ATXN2: variants seen among roughly 807,000 people sequenced by gnomAD.
The protein encoded by ATXN2 is ataxin-2.
In ATXN2, 37 loss-of-function variants were observed where a neutral mutation model predicts 138.6. The ratio of observed to expected loss-of-function variants is 0.27; its 90% CI spans 0.21 to 0.35. The LOEUF (loss-of-function observed/expected upper bound fraction) is 0.35. ATXN2 is among the 10% of genes least tolerant of loss of function. The pLI is 1.00. For synonymous variants in ATXN2, 549 were observed against 543.7 expected (o/e 1.01, Z -0.13); for missense variants, 1,216 against 1,480.3 (o/e 0.82, Z 2.93).
At chr12:111,507,055 G>A (rs1487257174) in intron 14 of ATXN2, among the ~76,000 whole-genome samples, 1 of 152,168 alleles carries the variant, frequency 6.6e-6, no homozygotes, top group African/African-American at 2.4e-5. Flanking sequence ...CTCCCAAAGT[G>A]CCGAGATTGC....
chr12:111,573,559 A>C (rs1397293905), intron 1 of ATXN2, among the ~76,000 whole-genome samples: 1 of 152,220 alleles, frequency 6.6e-6, no homozygotes, highest in Non-Finnish European at 1.5e-5. Context: ...AACAGTTATT[A>C]AAAAGCAAAG....
intron 1 of ATXN2, among the ~76,000 whole-genome samples, chr12:111,560,619 A>G (rs1236874296): frequency 6.6e-6 from 1 of 152,220 alleles, no homozygotes; most frequent in African/African-American, 2.4e-5. Context: ...CAGGGAGGGA[A>G]GAAGGATAGA....
intron 1 of ATXN2, among the ~76,000 whole-genome samples, chr12:111,593,355 A>G (rs1884777138): frequency 6.6e-6 from 1 of 152,044 alleles, no homozygotes; most frequent in African/African-American, 2.4e-5. Context: ...TCAGCCTCCT[A>G]AAGTGCTGGG....
intron 14 of ATXN2, among the ~76,000 whole-genome samples, chr12:111,508,419 T>C (rs1879306831): frequency 1.3e-5 from 2 of 151,454 alleles, no homozygotes; most frequent in African/African-American, 4.9e-5. Context: ...ATGTGTTAAC[T>C]ATTGTTTAAC....
chr12:111,467,702 T>C (rs1876121934), intron 20 of ATXN2, among the ~76,000 whole-genome samples: 1 of 152,194 alleles, frequency 6.6e-6, no homozygotes. Context: ...CTTTGTTTTG[T>C]TTGCAACATT....
chr12:111,598,457 G>C lies in ATXN2; in HGVS notation c.251+327C>G, dbSNP rs111700112. The C allele has an allele frequency of 1.6e-5, 16 of 985,476 alleles. 1 individual carries two copies. The African/African-American group carries it at 1.7e-4, about 11-fold the overall frequency. 61.0% of individuals were successfully genotyped at this position (985,476 alleles called of 1,614,324 possible). A position where few individuals can be genotyped will look rare whatever the true frequency, so the allele number is the denominator to read the frequency against. On this transcript the variant is annotated intron_variant, in intron 1 of 24. Transcript: ENST00000673436. The surrounding 1 kb of genome is among the most constrained non-coding windows in gnomAD (Gnocchi z 4.5). ...CTGCGGGCGGAGGATCGTGCGGAAG[G>C]GGGAGCCGGGGCTGACCATCGCCGC...
At chr12:111,478,735 G>C (rs543023462) in intron 18 of ATXN2, among the ~76,000 whole-genome samples, 4 of 152,126 alleles carry the variant, frequency 2.6e-5, no homozygotes, top group Admixed American at 1.3e-4. Flanking sequence ...GGCAGTGTGT[G>C]GTGGCTCACA....
rs1380907734 is a variant in ATXN2 at position 111,485,849 on chromosome 12, G to T, written c.2321C>A (p.Thr774Asn). The change falls in exon 17 of 25, where the codon ACC (threonine) becomes AAC (asparagine). Residue 774 changes from threonine (T) to asparagine (N), a missense_variant. Thr to Asn is a moderately conservative substitution (Grantham distance 65). Transcript: ENST00000673436. ...RSFSQPKPST[T>N]PTSPRPQAQP... ...TGCTTGAGGCCGAGGTGAAGTTGGG[G>T]TAGTAGAAGGCTTTGGCTACAAAAA... The T allele has an allele frequency of 6.2e-7, 1 of 1,614,014 alleles. No individual in the cohort carries two copies. Among genetic ancestry groups the T allele is most frequent in the Non-Finnish European group, 8.5e-7 (1 of 1,179,946 alleles).
intron 1 of ATXN2, among the ~76,000 whole-genome samples, chr12:111,591,633 T>C (rs1274728018): frequency 1.3e-5 from 2 of 151,408 alleles, no homozygotes; most frequent in South Asian, 2.1e-4. Flanking sequence ...GAGGGAGACC[T>C]TGACTCTAAA....
At chr12:111,525,923 AC>A (rs1319022908) in intron 5 of ATXN2, among the ~76,000 whole-genome samples, 1 of 151,518 alleles carries the variant, frequency 6.6e-6, no homozygotes, top group African/African-American at 2.4e-5. Flanking sequence ...ACCTAGTGAT[AC>A]CCCCACCTTG....
intron 15 of ATXN2, 138 bp from the exon 16 acceptor site, chr12:111,486,962 T>G (rs1877683701): frequency 2.9e-6 from 2 of 681,056 alleles, no homozygotes; most frequent in African/African-American, 1.8e-5. Context: ...TCGTTTTTAT[T>G]GAAACATATA....
At chr12:111,485,466 TAGATCATACCCACAGCTAAA>T in intron 17 of ATXN2, 135 bp from the exon 18 acceptor site, 1 of 989,402 alleles carries the variant, frequency 1.0e-6, no homozygotes, top group Non-Finnish European at 1.5e-6. Flanking sequence ...ATTAAAAAAT[TAGATCATACCCACAGCTAAA>T]AGGAACAAAC....
intron 1 of ATXN2, among the ~76,000 whole-genome samples, chr12:111,579,002 C>G (rs942388875): frequency 1.3e-5 from 2 of 152,160 alleles, no homozygotes; most frequent in African/African-American, 4.8e-5. Flanking sequence ...CGCACCACTG[C>G]ACTCCACCCT....
intron 5 of ATXN2, among the ~76,000 whole-genome samples, chr12:111,549,678 C>T (rs965559250): frequency 6.6e-6 from 1 of 152,166 alleles, no homozygotes; most frequent in African/African-American, 2.4e-5. Flanking sequence ...GCTTAAGAGA[C>T]CTGATGTCCT....
chr12:111,581,384 C>A, intron 1 of ATXN2: 1 of 673,578 alleles, frequency 1.5e-6, no homozygotes, highest in East Asian at 3.0e-5. Context: ...ACACCATGAA[C>A]CACAATGTCC....
chr12:111,500,997 T>C (rs765871208), intron 14 of ATXN2, among the ~76,000 whole-genome samples: 16 of 152,284 alleles, frequency 1.1e-4, no homozygotes, highest in Admixed American at 4.6e-4. Context: ...TTAGAATAAC[T>C]GAGGGAGTAC....
intron 21 of ATXN2, among the ~76,000 whole-genome samples, chr12:111,458,670 T>C (rs1044566438): frequency 6.6e-6 from 1 of 152,220 alleles, no homozygotes. Flanking sequence ...TCCAAAATAG[T>C]TCCCCACATT....
At chr12:111,581,784 G>A (rs1884019986) in intron 1 of ATXN2, 2 of 548,012 alleles carry the variant, frequency 3.6e-6, no homozygotes, top group Non-Finnish European at 3.5e-6. Flanking sequence ...CAACAGATCA[G>A]GAGGCATTAT....
At chr12:111,518,098 AAAGCC>A in intron 9 of ATXN2, 146 bp downstream of exon 9, 1 of 633,706 alleles carries the variant, frequency 1.6e-6, no homozygotes, top group Non-Finnish European at 2.5e-6. Flanking sequence ...AATATCCACA[AAAGCC>A]AATTTTAAGT....
Sources: gnomAD v4.1 joint callset for allele counts (sites outside exome capture counted in the v4.1 genomes callset) on GRCh38, gnomAD v4.1.1 for gene constraint, Gnocchi (gnomAD v3.1) non-coding constraint, MANE v1.5 for transcripts, NCBI Gene and HGNC (gene_info 2026-07-23, HGNC 2026-07-21) for gene names.